The following SPECC1L variants were observed in gnomAD, a reference collection of about 807,000 sequenced individuals.
SPECC1L encodes cytospin-A.
SPECC1L carries 40 observed loss-of-function variants against 116.8 expected under a neutral mutation model. The ratio of observed to expected loss-of-function variants is 0.34; its 90% CI spans 0.27 to 0.45. SPECC1L has a LOEUF of 0.45. Among genes scored for constraint, SPECC1L ranks in the 20% least tolerant of loss-of-function variants. The pLI, the probability that SPECC1L is intolerant of heterozygous loss-of-function variation, is 1.00. For synonymous variants in SPECC1L, 504 were observed against 500.6 expected (o/e 1.01, Z -0.09); for missense variants, 1,110 against 1,373.6 (o/e 0.81, Z 3.03).
At chr22:24,338,785 A>G (rs2146533565) in intron 10 of SPECC1L, among the ~76,000 whole-genome samples, 1 of 152,310 alleles carries the variant, frequency 6.6e-6, no homozygotes, top group South Asian at 2.1e-4. Context: ...CTTGGGTATT[A>G]GGTACTGTTC....
At chr22:24,386,492 G>A (rs2042162937) in intron 14 of SPECC1L, among the ~76,000 whole-genome samples, 1 of 152,022 alleles carries the variant, frequency 6.6e-6, no homozygotes, top group South Asian at 2.1e-4. Context: ...AAATAAAATT[G>A]TTTCCAGACA....
At chr22:24,331,033 G>A (rs527441082) in intron 8 of SPECC1L, among the ~76,000 whole-genome samples, 1 of 152,210 alleles carries the variant, frequency 6.6e-6, no homozygotes, top group South Asian at 2.1e-4. Flanking sequence ...ATTTTCACTT[G>A]TTTTATCTTA....
intron 4 of SPECC1L, among the ~76,000 whole-genome samples, chr22:24,319,234 CAG>C (rs1169854818): frequency 6.6e-6 from 1 of 152,200 alleles, no homozygotes; most frequent in Non-Finnish European, 1.5e-5. Context: ...CACAGGTCCA[CAG>C]AGATGGGGAG....
intron 2 of SPECC1L, among the ~76,000 whole-genome samples, chr22:24,296,961 T>C (rs1309395051): frequency 6.6e-6 from 1 of 151,212 alleles, no homozygotes; most frequent in Non-Finnish European, 1.5e-5. Flanking sequence ...TTTTTTTTTT[T>C]CTGAGACCAA....
At chr22:24,323,062 T>C (rs920672555) in intron 5 of SPECC1L, 144 bp downstream of exon 5, 10 of 1,410,902 alleles carry the variant, frequency 7.1e-6, no homozygotes, top group Non-Finnish European at 9.2e-6. Flanking sequence ...TTGGGAATGG[T>C]TTCCTTTTAT....
At chr22:24,305,758 C>A (rs1410832662) in intron 3 of SPECC1L, among the ~76,000 whole-genome samples, 1 of 152,104 alleles carries the variant, frequency 6.6e-6, no homozygotes, top group Non-Finnish European at 1.5e-5. Context: ...AGAAGAAAAT[C>A]ATTTCTCAAG....
intron 3 of SPECC1L, among the ~76,000 whole-genome samples, chr22:24,312,725 A>C (rs2040486250): frequency 6.6e-6 from 1 of 152,206 alleles, no homozygotes; most frequent in Non-Finnish European, 1.5e-5. Flanking sequence ...GTCTTTCTCA[A>C]GTAATAACGA....
chr22:24,329,567 G>A (rs906388096), intron 7 of SPECC1L, among the ~76,000 whole-genome samples: 3 of 152,140 alleles, frequency 2.0e-5, no homozygotes, highest in South Asian at 4.1e-4. Flanking sequence ...TGCTTTCATG[G>A]TGTAAGAAAA....
intron 14 of SPECC1L, among the ~76,000 whole-genome samples, chr22:24,384,270 A>G (rs760031890): frequency 1.3e-5 from 2 of 152,204 alleles, no homozygotes; most frequent in Non-Finnish European, 2.9e-5. Flanking sequence ...GTTAAGAAGA[A>G]TAATGGGATC....
At chr22:24,342,235 C>T (rs1374892703) in intron 10 of SPECC1L, among the ~76,000 whole-genome samples, 1 of 151,988 alleles carries the variant, frequency 6.6e-6, no homozygotes, top group East Asian at 1.9e-4. Context: ...TCACCTATAA[C>T]CAGGGGAAAA....
rs150495486 is a variant in SPECC1L, at chr22:24,347,107, A to G, written c.2674A>G (p.Ile892Val). ...PMQRHSISGP[I>V]STSKPLTALS... ...TCAGAGACATTCCATAAGTGGACCA[A>G]TCTCAACATCCAAACCCCTGACAGC... Residue 892 changes from isoleucine to valine, a missense_variant, in exon 11 of 17, where the codon ATC (isoleucine) becomes GTC (valine). Around this residue, in one of 4 missense-constraint regions of SPECC1L, gnomAD observed 575 missense variants for 682.4 expected, o/e 0.84. Coordinates refer to ENST00000314328, the MANE Select transcript of SPECC1L (RefSeq NM_015330.6). 285 of 1,614,010 alleles carry G rather than the reference A, an allele frequency of 1.8e-4. 2 individuals are homozygous for G. The South Asian group carries it at 2.6e-3, about 15-fold the overall frequency.
At chr22:24,338,118 TTAAA>T (rs2041099723) in intron 9 of SPECC1L, among the ~76,000 whole-genome samples, 1 of 152,186 alleles carries the variant, frequency 6.6e-6, no homozygotes, top group Admixed American at 6.5e-5. Context: ...CATAACATAA[TTAAA>T]TAACAAAAAC....
chr22:24,373,478 A>G (rs1002132074), intron 14 of SPECC1L, among the ~76,000 whole-genome samples: 2 of 151,820 alleles, frequency 1.3e-5, no homozygotes, highest in Non-Finnish European at 2.9e-5. Flanking sequence ...CTGCATATCT[A>G]CAACCATCTG....
At chr22:24,366,176 G>T (rs1797210709) in intron 13 of SPECC1L, among the ~76,000 whole-genome samples, 1 of 146,252 alleles carries the variant, frequency 6.8e-6, no homozygotes, top group Non-Finnish European at 1.5e-5. Flanking sequence ...ACTAGGCAGG[G>T]GATGGCAAAG....
chr22:24,375,964 A>G (rs2041963213), intron 14 of SPECC1L, among the ~76,000 whole-genome samples: 1 of 151,208 alleles, frequency 6.6e-6, no homozygotes, highest in Non-Finnish European at 1.5e-5. Flanking sequence ...CAAACAAACA[A>G]ACAAACAAAA....
chr22:24,277,829 T>C (rs1163732960), intron 2 of SPECC1L, among the ~76,000 whole-genome samples: 3 of 152,272 alleles, frequency 2.0e-5, no homozygotes. Context: ...ATAATGCTAC[T>C]GTGAACAAGT....
In SPECC1L at chr22:24,414,552, C is replaced by T. The variant is rs200510362; in HGVS notation, c.3283C>T (p.Arg1095Trp). The change falls in exon 17 of 17, where the codon CGG becomes TGG. Residue 1095 changes from arginine (R) to tryptophan (W), a missense_variant. By Grantham distance (101) the Arg-to-Trp change is moderately radical. Transcript: ENST00000314328. The stretch of plus-strand genomic sequence containing the variant: ...CTGTCAGGACATTAATGAAATGGTA[C>T]GGACTGAACGACCCGACTGGCAGAA... Reference protein sequence around the residue: ...KSTLDINEMVRTERPDWQNVM... With the variant: ...KSTLDINEMVWTERPDWQNVM... 23 of 1,613,806 alleles carry T rather than the reference C, an allele frequency of 1.4e-5. No homozygotes were observed. Among genetic ancestry groups the T allele is most frequent in the East Asian group, 6.7e-5 (3 of 44,900 alleles).
intron 6 of SPECC1L, among the ~76,000 whole-genome samples, chr22:24,327,278 A>T (rs1291097295): frequency 3.9e-5 from 2 of 51,290 alleles, no homozygotes; most frequent in African/African-American, 1.7e-4. Flanking sequence ...ACTCCGTCTC[A>T]AAAAAAAAAA....
chr22:24,332,757 A>T (rs1029804760), intron 8 of SPECC1L, among the ~76,000 whole-genome samples: 1 of 151,926 alleles, frequency 6.6e-6, no homozygotes, highest in South Asian at 2.1e-4. Context: ...AAAATATATT[A>T]GCCCTGTATT....
Sources: gnomAD v4.1 joint callset for allele counts (sites outside exome capture counted in the v4.1 genomes callset) on GRCh38, gnomAD v4.1.1 for gene constraint, gnomAD v4.1.1 regional missense constraint, MANE v1.5 for transcripts, NCBI Gene and HGNC (gene_info 2026-07-23, HGNC 2026-07-21) for gene names.